The following ACBD4 variants were observed in gnomAD, a reference collection of about 807,000 sequenced individuals.
The protein encoded by ACBD4 is acyl-CoA binding domain containing 4.
In ACBD4, 41 loss-of-function variants were observed where a neutral mutation model predicts 46.0. The ratio of observed to expected loss-of-function variants is 0.89; its 90% CI spans 0.69 to 1.16. ACBD4 has a LOEUF of 1.16. Ranked by LOEUF, ACBD4 falls within the 50% of genes most tolerant of loss-of-function variation. ACBD4 has a pLI of 0.00. For missense variants in ACBD4, 393 were observed against 399.5 expected (o/e 0.98, Z 0.14); for synonymous variants, 162 against 155.9 (o/e 1.04, Z -0.29).
At chr17:45,136,653 C>T in intron 3 of ACBD4, 33 bp downstream of exon 3, 1 of 1,614,018 alleles carries the variant, frequency 6.2e-7, no homozygotes, top group African/African-American at 1.3e-5. Flanking sequence ...AGACAAGCCT[C>T]AGCTGTCAAG....
intron 8 of ACBD4, 94 bp downstream of exon 8, chr17:45,138,082 G>A: frequency 1.6e-6 from 2 of 1,284,970 alleles, no homozygotes; most frequent in South Asian, 2.6e-5. Flanking sequence ...GGGCAGAGTT[G>A]AAAGTCCATT....
rs2054866034 is a variant in ACBD4 at position 45,136,728 on chromosome 17, G to A, written c.246G>A (p.Glu82=). 1 of 1,613,984 alleles carries A rather than the reference G, an allele frequency of 6.2e-7. No homozygotes were observed. The highest frequency in any genetic ancestry group is 8.5e-7 in the Non-Finnish European group (1 of 1,180,032). ...AWNSLGKMSR[E]EAMSAYITEM... is the part of the protein sequence containing the mutation. ...ACAGTCTGGGCAAGATGAGCAGGGA[G>A]GAGGCCATGTCTGCCTACATCACTG... The change falls in exon 4 of 10, where the codon GAG becomes GAA. Residue 82 remains glutamate, a synonymous_variant. Transcript: ENST00000321854.
intron 8 of ACBD4, chr17:45,138,553 G>A (rs189666209): frequency 1.6e-5 from 3 of 185,054 alleles, no homozygotes; most frequent in Non-Finnish European, 3.5e-5. Context: ...CACTTTGGGA[G>A]GCCAAGGCAG....
chr17:45,142,357 C>T (rs1205508761), intron 9 of ACBD4, among the ~76,000 whole-genome samples: 2 of 110,026 alleles, frequency 1.8e-5, no homozygotes, highest in Non-Finnish European at 1.7e-5. Context: ...CACGCCATTG[C>T]ACTCTAGCCT....
At chr17:45,139,214 T>A in intron 9 of ACBD4, 54 bp downstream of exon 9, 1 of 1,594,282 alleles carries the variant, frequency 6.3e-7, no homozygotes, top group East Asian at 2.2e-5. Context: ...GTCTTTATTC[T>A]GGGCTCCTCT....
In ACBD4 at chr17:45,143,574, G is replaced by C. The variant is rs1199844571; in HGVS notation, c.*3G>C. The C allele has an allele frequency of 3.1e-6, 5 of 1,614,104 alleles. No individual in the cohort carries two copies. The highest frequency in any genetic ancestry group is 1.1e-5 in the South Asian group (1 of 91,086). Reference sequence around the variant, plus strand: ...TGTTTCGGACCCAAAAGAGGTGACTGTCAGTGGAGGGGTCTCTGCAGCCAA... The same window carrying C: ...TGTTTCGGACCCAAAAGAGGTGACTCTCAGTGGAGGGGTCTCTGCAGCCAA... On this transcript the variant is annotated 3_prime_UTR_variant, in exon 10 of 10. Transcript: ENST00000321854.
chr17:45,136,989 T>C, intron 4 of ACBD4, 30 bp from the exon 5 acceptor site: 2 of 1,613,518 alleles, frequency 1.2e-6, no homozygotes, highest in Non-Finnish European at 1.7e-6. Flanking sequence ...AGGAGGCCAC[T>C]CCGTCCCCAA....
At chr17:45,136,465 G>A in intron 2 of ACBD4, 35 bp from the exon 3 acceptor site, 3 of 1,599,312 alleles carry the variant, frequency 1.9e-6, no homozygotes, top group Non-Finnish European at 2.6e-6. Flanking sequence ...AGCTGGGAGT[G>A]ATGCTTTGCC....
At position 45,139,010 on chromosome 17, in the gene ACBD4, G is replaced by A. The variant is rs2055082074; in HGVS notation, c.650-11G>A. On this transcript the variant is annotated splice_polypyrimidine_tract_variant and intron_variant, in intron 8 of 9. Transcript: ENST00000321854. ...CCTGAGCCCCCTTCCCTGTGTGTCT[G>A]TGCTCCGCAGAGGGGTTGCGGGGCA... 6.2e-7 allele frequency: 1 copy of A among 1,612,210 alleles called. No homozygotes were observed. The highest frequency in any genetic ancestry group is 2.2e-5 in the East Asian group (1 of 44,876).
At chr17:45,139,288 A>G in intron 9 of ACBD4, 128 bp downstream of exon 9, 2 of 986,052 alleles carry the variant, frequency 2.0e-6, no homozygotes, top group Non-Finnish European at 3.1e-6. Flanking sequence ...AGAGAATGGC[A>G]TGGCTCCTGC....
At position 45,135,845 on chromosome 17, in the gene ACBD4, G is replaced by C. The variant is rs1476253663; in HGVS notation, c.-146G>C. 1 of 348,706 alleles carries C rather than the reference G, an allele frequency of 2.9e-6. No homozygotes were observed. Among genetic ancestry groups the C allele is most frequent in the Non-Finnish European group, 5.4e-6 (1 of 184,520 alleles). 21.6% of individuals were successfully genotyped at this position (348,706 alleles called of 1,614,324 possible). On this transcript the variant is annotated 5_prime_UTR_variant, in exon 1 of 10. Coordinates refer to ENST00000321854, the MANE Select transcript of ACBD4 (RefSeq NM_001135705.3). ...TGTTTCTCCACCTGTTCGGGAGTTG[G>C]AGATGTGCACCTAAAGGAGGCGCAT...
In ACBD4 at chr17:45,135,687, AG is replaced by A. The variant is rs1241488090; in HGVS notation, c.-303del. The A allele has an allele frequency of 4.5e-5, 7 of 156,964 alleles. No homozygotes were observed. The highest frequency in any genetic ancestry group is 1.7e-4 in the African/African-American group (7 of 41,526). 9.7% of individuals were successfully genotyped at this position (156,964 alleles called of 1,614,324 possible). On this transcript the variant is annotated 5_prime_UTR_variant, in exon 1 of 10. Transcript: ENST00000321854. The stretch of plus-strand genomic sequence containing the variant: ...CCCGGCCCTGCTGGACCCCGGGGTC[AG>A]TAGGAAGCCGCGGGGTGGTGGCGAG...
chr17:45,136,250 C>T lies in ACBD4; in HGVS notation c.88+18C>T. On this transcript the variant is annotated intron_variant, in intron 2 of 9. Transcript: ENST00000321854. ...CAAGAACGGTGAGGCTGCGGGGACT[C>T]GCATTTGGACTCGCATTCAGGACGC... is the stretch of plus-strand genomic sequence containing the variant. The T allele has an allele frequency of 6.2e-7, 1 of 1,611,002 alleles. No homozygotes were observed.
chr17:45,143,835 C>T lies in ACBD4; in HGVS notation c.*264C>T, dbSNP rs2055440313. ...TACACGTCCCCGGTGCTGGGTTGGC[C>T]GTGACTCGGGGGCGGGGCGATCGGG... On this transcript the variant is annotated 3_prime_UTR_variant, in exon 10 of 10. Coordinates refer to ENST00000321854, the MANE Select transcript of ACBD4 (RefSeq NM_001135705.3). 1.8e-6 allele frequency: 1 copy of T among 550,824 alleles called. No individual in the cohort carries two copies. Among genetic ancestry groups the T allele is most frequent in the Non-Finnish European group, 3.1e-6 (1 of 319,222 alleles). 34.1% of individuals were successfully genotyped at this position (550,824 alleles called of 1,614,324 possible). A position where few individuals can be genotyped will look rare whatever the true frequency, so the allele number is the denominator to read the frequency against.
chr17:45,136,613 T>A lies in ACBD4; in HGVS notation c.202T>A (p.Tyr68Asn). The change falls in exon 3 of 10, where the codon TAT (tyrosine) becomes AAT (asparagine). Residue 68 changes from tyrosine (Y) to asparagine (N), a missense_variant. Tyr to Asn is a moderately radical substitution (Grantham distance 143). Transcript: ENST00000321854. ...CGGGTTCTGGGACCCCATTGGACGA[T>A]ATAAGTGGTGAGCTCCCTGCTGGCT... ...RPGFWDPIGR[Y>N]KWDAWNSLGK... 6.2e-7 allele frequency: 1 copy of A among 1,613,928 alleles called. No homozygotes were observed. The highest frequency in any genetic ancestry group is 8.5e-7 in the Non-Finnish European group (1 of 1,179,936).
chr17:45,138,956 C>A, intron 8 of ACBD4, 65 bp from the exon 9 acceptor site: 1 of 1,570,368 alleles, frequency 6.4e-7, no homozygotes, highest in South Asian at 1.1e-5. Flanking sequence ...CCCCAGCCTG[C>A]CCCCACCCTG....
upstream of ACBD4, chr17:45,132,286 C>A (rs1359324738): frequency 7.9e-7 from 1 of 1,272,878 alleles, no homozygotes; most frequent in Non-Finnish European, 9.9e-7. This position sits in a 1 kb window ranked among gnomAD's most constrained non-coding sequence, Gnocchi z 4.6. Flanking sequence ...CCTCTTGGTG[C>A]CGCCATCGGA....
chr17:45,133,479 A>C (rs1380842966), upstream of ACBD4: 1 of 143,864 alleles, frequency 7.0e-6, no homozygotes, highest in Non-Finnish European at 1.5e-5. Context: ...GATTCTGCAC[A>C]CTGGCTTGGG....
chr17:45,141,158 G>A (rs1292205306), intron 9 of ACBD4, among the ~76,000 whole-genome samples: 10 of 152,146 alleles, frequency 6.6e-5, no homozygotes, highest in South Asian at 2.1e-4. Context: ...TCCTGAAACC[G>A]CCTTTTCCAG....
Sources: allele counts gnomAD v4.1 joint callset (sites outside exome capture counted in the v4.1 genomes callset), GRCh38; gene constraint gnomAD v4.1.1; non-coding constraint Gnocchi (gnomAD v3.1); transcripts MANE v1.5; gene names NCBI Gene and HGNC (gene_info 2026-07-23, HGNC 2026-07-21).